TMC7: variants seen among roughly 807,000 people sequenced by gnomAD.
The protein encoded by TMC7 is transmembrane channel-like protein 7.
TMC7 carries 54 observed loss-of-function variants against 82.9 expected under a neutral mutation model. The observed-to-expected ratio is 0.65, with a 90% CI of 0.52 to 0.82. TMC7 has a LOEUF of 0.82. Among genes scored for constraint, TMC7 ranks in the 40% least tolerant of loss-of-function variants. The probability of loss-of-function intolerance (pLI) is 0.00; values close to 1 mark genes in which losing one functional copy is unlikely to be tolerated. For missense variants in TMC7, 820 were observed against 901.2 expected, an observed-to-expected ratio of 0.91 and a Z score of 1.15; for synonymous variants, 350 against 337.9, an observed-to-expected ratio of 1.04 and a Z score of -0.39.
chr16:19,019,977 G>T (rs2142205450), intron 3 of TMC7, among the ~76,000 whole-genome samples: 1 of 152,276 alleles, frequency 6.6e-6, no homozygotes, highest in East Asian at 1.9e-4. Flanking sequence ...AGAACAAGAA[G>T]CCATCCTTGC....
chr16:18,993,010 A>G (rs2038979232), intron 1 of TMC7, among the ~76,000 whole-genome samples: 3 of 152,234 alleles, frequency 2.0e-5, no homozygotes, highest in Non-Finnish European at 2.9e-5. Context: ...GCCTTGTAGT[A>G]TAGTTTGAAG....
At chr16:19,047,310 C>A in intron 12 of TMC7, 61 bp downstream of exon 12, 1 of 1,483,534 alleles carries the variant, frequency 6.7e-7, no homozygotes. Flanking sequence ...TCCAGGGCAC[C>A]AATATGTCTG....
intron 5 of TMC7, among the ~76,000 whole-genome samples, chr16:19,029,647 TTA>T (rs200237783): frequency 0.013 from 1,979 of 151,806 alleles, 37 homozygotes; most frequent in African/African-American, 0.043. Flanking sequence ...GGTGCTGGGA[TTA>T]CAGGTGTGAG....
At chr16:19,045,224 C>T in intron 10 of TMC7, 117 bp from the exon 11 acceptor site, 1 of 907,656 alleles carries the variant, frequency 1.1e-6, no homozygotes, top group South Asian at 1.4e-5. Flanking sequence ...TCAGCTGATG[C>T]CCTCACTGGA....
chr16:19,023,075 A>T (rs745952582), intron 4 of TMC7, 38 bp from the exon 5 acceptor site: 10 of 1,379,026 alleles, frequency 7.3e-6, no homozygotes, highest in Non-Finnish European at 1.0e-5. Flanking sequence ...AGAGACTAAA[A>T]CTGTTTCCAC....
At chr16:19,012,241 T>C (rs2142180837) in intron 2 of TMC7, 1 of 151,936 alleles carries the variant, frequency 6.6e-6, no homozygotes, top group East Asian at 1.9e-4. Flanking sequence ...GACACACAAA[T>C]TCATGAAGTG....
intron 11 of TMC7, 124 bp from the exon 12 acceptor site, chr16:19,046,939 C>G: frequency 1.3e-6 from 1 of 784,568 alleles, no homozygotes; most frequent in Non-Finnish European, 2.1e-6. Flanking sequence ...TATTCTGCAT[C>G]TTTAAGACAT....
At chr16:19,057,305 C>T (rs946730496) in intron 14 of TMC7, among the ~76,000 whole-genome samples, 3 of 152,160 alleles carry the variant, frequency 2.0e-5, no homozygotes, top group Admixed American at 2.0e-4. Flanking sequence ...ATCTCTTGCT[C>T]TTTGACAAGG....
intron 3 of TMC7, among the ~76,000 whole-genome samples, chr16:19,019,035 A>G (rs895716746): frequency 6.6e-6 from 1 of 152,190 alleles, no homozygotes; most frequent in Non-Finnish European, 1.5e-5. Context: ...TTTTTAGTAG[A>G]GACAGGGTTT....
intron 1 of TMC7, among the ~76,000 whole-genome samples, chr16:19,001,120 A>C (rs556300803): frequency 1.3e-5 from 2 of 152,268 alleles, no homozygotes; most frequent in South Asian, 2.1e-4. Context: ...AAAATCTTTT[A>C]CTCATTTTTT....
At chr16:19,047,007 T>C in intron 11 of TMC7, 56 bp from the exon 12 acceptor site, 1 of 1,447,776 alleles carries the variant, frequency 6.9e-7, no homozygotes, top group South Asian at 1.3e-5. Flanking sequence ...CTTTGTGATA[T>C]GGTTCTGTGG....
chr16:19,006,576 T>C (rs561657595), intron 1 of TMC7, among the ~76,000 whole-genome samples: 8 of 152,276 alleles, frequency 5.3e-5, no homozygotes, highest in African/African-American at 1.7e-4. Context: ...CAGCCACCCC[T>C]CTGACTTTAA....
At chr16:19,031,730 C>T (rs1412182292) in intron 6 of TMC7, among the ~76,000 whole-genome samples, 1 of 152,130 alleles carries the variant, frequency 6.6e-6, no homozygotes, top group Admixed American at 6.6e-5. Flanking sequence ...ACATGACAGT[C>T]CTGGGTGGGG....
At chr16:19,024,128 G>A (rs762383541) in intron 5 of TMC7, among the ~76,000 whole-genome samples, 3 of 152,060 alleles carry the variant, frequency 2.0e-5, no homozygotes, top group Non-Finnish European at 4.4e-5. Context: ...TTTTATTATC[G>A]CCTTCTAAAG....
At chr16:19,035,615 A>C (rs758774932) in intron 6 of TMC7, 61 bp from the exon 7 acceptor site, 2 of 1,608,370 alleles carry the variant, frequency 1.2e-6, no homozygotes, top group Admixed American at 3.3e-5. Flanking sequence ...GACACAGCCA[A>C]TTCAGGGGAC....
chr16:19,036,890 T>C (rs1960774591), intron 7 of TMC7, among the ~76,000 whole-genome samples: 1 of 152,170 alleles, frequency 6.6e-6, no homozygotes, highest in Admixed American at 6.6e-5. Context: ...AAATACGAAC[T>C]GATTAAATTA....
At chr16:19,022,756 C>G (rs959402865) in intron 4 of TMC7, among the ~76,000 whole-genome samples, 10 of 152,176 alleles carry the variant, frequency 6.6e-5, no homozygotes, top group African/African-American at 2.4e-4. Flanking sequence ...TGGCCGGGTC[C>G]GGGGGCTCAC....
At chr16:18,995,893 G>C (rs1233371936) in intron 1 of TMC7, among the ~76,000 whole-genome samples, 2 of 152,120 alleles carry the variant, frequency 1.3e-5, no homozygotes, top group African/African-American at 4.8e-5. Flanking sequence ...CCTTCCTCCT[G>C]GATCTAGGAC....
At chr16:19,051,582 G>T in intron 12 of TMC7, 104 bp from the exon 13 acceptor site, 1 of 1,373,146 alleles carries the variant, frequency 7.3e-7, no homozygotes, top group Admixed American at 1.9e-5. Flanking sequence ...CTCTGGAAAG[G>T]TTAGAGTGAT....
Sources: allele counts gnomAD v4.1 joint callset (sites outside exome capture counted in the v4.1 genomes callset), GRCh38; gene constraint gnomAD v4.1.1; transcripts MANE v1.5; gene names NCBI Gene and HGNC (gene_info 2026-07-23, HGNC 2026-07-21).